Variants in ITIH5 observed in about 807,000 individuals in gnomAD.
The protein encoded by ITIH5 is inter-alpha-trypsin inhibitor heavy chain 5, also known as inter-alpha-trypsin inhibitor heavy chain H5.
ITIH5 carries 65 observed loss-of-function variants against 77.5 expected under a neutral mutation model. The ratio of observed to expected loss-of-function variants is 0.84; its 90% CI spans 0.69 to 1.03. The LOEUF is 1.03. Ranked by LOEUF, ITIH5 falls within the 50% of genes least tolerant of loss-of-function variation. The pLI, the probability that ITIH5 is intolerant of heterozygous loss-of-function variation, is 0.00. For synonymous variants in ITIH5, 525 were observed against 494.3 expected (o/e 1.06, Z -0.82); for missense variants, 1,208 against 1,213.1 (o/e 1.00, Z 0.06).
rs374871880 is a variant in ITIH5 at position 7,576,627 on chromosome 10, G to T, written c.1804C>A (p.Arg602=). 1.9e-6 allele frequency: 3 copies of T among 1,613,672 alleles called. No homozygotes were observed. Among genetic ancestry groups the T allele is most frequent in the African/African-American group, 1.3e-5 (1 of 74,936 alleles). ...ACAGCCAGGGCCTGGGCCCGCTGCC[G>T]CAGCCGCTCCTTCTCCGGTTCATCG... ...SDDEPEKERL[R]QRAQALAVSY... The change falls in exon 10 of 14, where the codon CGG becomes AGG. Residue 602 remains arginine (R), a synonymous_variant. Coordinates refer to ENST00000397146, the MANE Select transcript of ITIH5 (RefSeq NM_030569.7).
intron 5 of ITIH5, among the ~76,000 whole-genome samples, chr10:7,627,861 CAG>C (rs1833611125): frequency 2.2e-5 from 2 of 91,332 alleles, no homozygotes; most frequent in South Asian, 8.2e-4. Context: ...TTTTTTGAGA[CAG>C]AGTCTTGCTG....
intron 7 of ITIH5, among the ~76,000 whole-genome samples, chr10:7,592,526 T>TA (rs1483395394): frequency 6.7e-6 from 1 of 148,388 alleles, no homozygotes; most frequent in Non-Finnish European, 1.5e-5. Context: ...AAGAGGAAAA[T>TA]AGAGGGGAGG....
chr10:7,611,275 T>A (rs538968492), intron 7 of ITIH5, among the ~76,000 whole-genome samples: 1 of 152,400 alleles, frequency 6.6e-6, no homozygotes, highest in East Asian at 1.9e-4. Flanking sequence ...TTAAAGATTC[T>A]TGCATTAAAT....
intron 7 of ITIH5, among the ~76,000 whole-genome samples, chr10:7,604,317 C>G (rs1218223772): frequency 6.6e-6 from 1 of 152,140 alleles, no homozygotes; most frequent in Non-Finnish European, 1.5e-5. Context: ...TTTGATGGAG[C>G]CAGCTTCATC....
At chr10:7,592,345 C>T (rs146681185) in intron 7 of ITIH5, among the ~76,000 whole-genome samples, 21 of 152,264 alleles carry the variant, frequency 1.4e-4, no homozygotes, top group African/African-American at 4.8e-4. Context: ...CCTGCCCCAC[C>T]CTCCCAACAT....
chr10:7,641,400 C>T (rs1175478370), intron 3 of ITIH5, among the ~76,000 whole-genome samples: 1 of 151,844 alleles, frequency 6.6e-6, no homozygotes, highest in East Asian at 1.9e-4. Context: ...CTCATTTATT[C>T]TTTGTTCATT....
At chr10:7,626,239 A>G (rs1833576179) in intron 5 of ITIH5, among the ~76,000 whole-genome samples, 1 of 152,200 alleles carries the variant, frequency 6.6e-6, no homozygotes, top group Non-Finnish European at 1.5e-5. Flanking sequence ...GTGAAGCCTC[A>G]CAGTAAAGAG....
chr10:7,597,063 A>AT (rs1832916596), intron 7 of ITIH5, among the ~76,000 whole-genome samples: 2 of 142,648 alleles, frequency 1.4e-5, no homozygotes, highest in African/African-American at 2.6e-5. Context: ...AAAAAAAAAA[A>AT]ATTCCACCAA....
chr10:7,655,630 C>T lies in ITIH5; in HGVS notation c.135+1G>A, dbSNP rs1834169007. On this transcript the variant is annotated splice_donor_variant, in intron 2 of 13. Coordinates refer to ENST00000397146, the MANE Select transcript of ITIH5 (RefSeq NM_030569.7). LOFTEE classifies it high-confidence loss of function. ...TCAAGATGCACCATGAATATACCTA[C>T]CAGCCTCTGCAACAGTCTGACTTGC... The T allele has an allele frequency of 1.9e-6, 3 of 1,610,656 alleles. No homozygotes were observed. The highest frequency in any genetic ancestry group is 2.5e-6 in the Non-Finnish European group (3 of 1,176,912).
intron 12 of ITIH5, among the ~76,000 whole-genome samples, chr10:7,566,833 GA>G (rs1832184012): frequency 4.4e-5 from 2 of 45,592 alleles, no homozygotes; most frequent in Non-Finnish European, 8.3e-5. Context: ...AGAGGAAGAG[GA>G]AGAGGAAGAG....
chr10:7,596,073 A>G (rs1394947363), intron 7 of ITIH5, among the ~76,000 whole-genome samples: 1 of 152,222 alleles, frequency 6.6e-6, no homozygotes, highest in African/African-American at 2.4e-5. Context: ...TCCCTTCAGT[A>G]CAGCTGGCAA....
chr10:7,602,879 C>T (rs1833043296), intron 7 of ITIH5, among the ~76,000 whole-genome samples: 2 of 152,170 alleles, frequency 1.3e-5, no homozygotes, highest in African/African-American at 4.8e-5. Flanking sequence ...CTTCCACATT[C>T]ATAGTCACCA....
intron 1 of ITIH5, among the ~76,000 whole-genome samples, chr10:7,661,181 C>T (rs184127630): frequency 1.3e-5 from 2 of 152,272 alleles, no homozygotes; most frequent in African/African-American, 4.8e-5. Context: ...ACCCCCATTC[C>T]GTGGAAAACT....
chr10:7,629,242 C>A (rs200692368), intron 5 of ITIH5, among the ~76,000 whole-genome samples: 11 of 138,402 alleles, frequency 7.9e-5, no homozygotes, highest in African/African-American at 2.4e-4. Context: ...CATGTTGTAG[C>A]GTGTGTCCAT....
At chr10:7,630,568 A>G (rs1015810850) in intron 5 of ITIH5, among the ~76,000 whole-genome samples, 7 of 152,108 alleles carry the variant, frequency 4.6e-5, no homozygotes, top group African/African-American at 1.7e-4. Context: ...CTAATGACTA[A>G]TTGTGTTGAG....
At chr10:7,625,581 A>G (rs1833562703) in intron 5 of ITIH5, among the ~76,000 whole-genome samples, 1 of 152,112 alleles carries the variant, frequency 6.6e-6, no homozygotes, top group Non-Finnish European at 1.5e-5. Flanking sequence ...CCTGGCCAAC[A>G]TGGTGAAAAC....
At chr10:7,592,311 T>G (rs953846860) in intron 7 of ITIH5, among the ~76,000 whole-genome samples, 1 of 152,176 alleles carries the variant, frequency 6.6e-6, no homozygotes, top group Non-Finnish European at 1.5e-5. Context: ...GACAGGGAGT[T>G]CCTCAAAACA....
chr10:7,605,388 C>A (rs1254971839), intron 7 of ITIH5, among the ~76,000 whole-genome samples: 1 of 151,970 alleles, frequency 6.6e-6, no homozygotes, highest in East Asian at 1.9e-4. Context: ...CTGATTACCA[C>A]CCCATCACGC....
At chr10:7,591,682 C>T (rs917212538) in intron 7 of ITIH5, among the ~76,000 whole-genome samples, 6 of 152,080 alleles carry the variant, frequency 3.9e-5, no homozygotes, top group African/African-American at 1.5e-4. Context: ...TGGGTTTACA[C>T]ATGAACTTCC....
Sources: allele counts gnomAD v4.1 joint callset (sites outside exome capture counted in the v4.1 genomes callset), GRCh38; gene constraint gnomAD v4.1.1; transcripts MANE v1.5; gene names NCBI Gene and HGNC (gene_info 2026-07-23, HGNC 2026-07-21).